Variants in PPTC7 observed in about 807,000 individuals in gnomAD.
The protein encoded by PPTC7 is protein phosphatase PTC7 homolog.
Under a neutral mutation model 30.8 loss-of-function variants are expected in PPTC7, and 6 were observed. That is an observed-to-expected ratio of 0.19 (90% CI 0.11 to 0.38). The LOEUF (loss-of-function observed/expected upper bound fraction) is 0.38. PPTC7 is among the 10% of genes least tolerant of loss of function. The probability of loss-of-function intolerance (pLI) is 1.00; values close to 1 mark genes in which losing one functional copy is unlikely to be tolerated. For synonymous variants in PPTC7, 163 were observed against 168.1 expected, an observed-to-expected ratio of 0.97 and a Z score of 0.23; for missense variants, 218 against 404.8, an observed-to-expected ratio of 0.54 and a Z score of 3.96.
At chr12:110,568,135 G>C (rs1265912681) in intron 1 of PPTC7, among the ~76,000 whole-genome samples, 1 of 152,032 alleles carries the variant, frequency 6.6e-6, no homozygotes, top group East Asian at 1.9e-4. Context: ...TAGTTTTGGG[G>C]ATCTACTTTG....
Position 110,583,010 on chromosome 12 carries a change from C to T in PPTC7, c.22G>A (p.Gly8Arg). MFSVLSY[G>R]RLVARAVLGG... is the part of the protein sequence containing the mutation. ...AGCACGGCGCGGGCCACCAGCCGCC[C>T]GTACGAGAGGACCGAGAACATCGCC... is the stretch of plus-strand genomic sequence containing the variant. Residue 8 changes from glycine (G) to arginine (R), a missense_variant, in exon 1 of 6, where the codon GGG becomes AGG. Transcript: ENST00000354300. 4 of 1,482,146 alleles carry T rather than the reference C, an allele frequency of 2.7e-6. No homozygotes were observed. The highest frequency in any genetic ancestry group is 3.6e-6 in the Non-Finnish European group (4 of 1,123,474). 91.8% of individuals were successfully genotyped at this position (1,482,146 alleles called of 1,614,324 possible).
intron 4 of PPTC7, among the ~76,000 whole-genome samples, chr12:110,539,549 G>C (rs936673966): frequency 1.3e-5 from 2 of 152,102 alleles, no homozygotes; most frequent in Non-Finnish European, 2.9e-5. Context: ...AAACAACCAG[G>C]ACCCGACACC....
intron 1 of PPTC7, among the ~76,000 whole-genome samples, chr12:110,563,122 CAAAAAAAAAA>C (rs766517371): frequency 0.013 from 575 of 43,136 alleles, 7 homozygotes; most frequent in African/African-American, 0.044. Flanking sequence ...GACTCCATCT[CAAAAAAAAAA>C]AAAAAAAAAA....
intron 1 of PPTC7, among the ~76,000 whole-genome samples, chr12:110,565,804 A>T (rs1050921258): frequency 6.6e-6 from 1 of 152,222 alleles, no homozygotes; most frequent in Non-Finnish European, 1.5e-5. Context: ...TGGGGAGGAC[A>T]GTTTAGGGAG....
chr12:110,577,593 C>G (rs2135797777), intron 1 of PPTC7, among the ~76,000 whole-genome samples: 1 of 152,204 alleles, frequency 6.6e-6, no homozygotes, highest in South Asian at 2.1e-4. Flanking sequence ...ATCTTTACAC[C>G]TCAAGACAAC....
chr12:110,563,750 TTA>T (rs1308523413), intron 1 of PPTC7, among the ~76,000 whole-genome samples: 3 of 152,210 alleles, frequency 2.0e-5, no homozygotes, highest in Admixed American at 2.0e-4. Flanking sequence ...AGCTTAGTAA[TTA>T]TGAGACAACT....
rs779216254 is a variant in PPTC7 at position 110,545,894 on chromosome 12, G to A, written c.588C>T (p.Val196=). ...LSIAPPEAEG[V]VLSDSPDAAD... is the part of the protein sequence containing the mutation. ...GGGGAGATTACCTGTCGCTCAAGAC[G>A]ACTCCCTCGGCTTCAGGGGGAGCGA... is the stretch of plus-strand genomic sequence containing the variant. The change falls in exon 3 of 6, where the codon GTC becomes GTT. Residue 196 remains valine (V), a synonymous_variant. Coordinates refer to ENST00000354300, the MANE Select transcript of PPTC7 (RefSeq NM_139283.2). 8.7e-6 allele frequency: 14 copies of A among 1,613,366 alleles called. No individual in the cohort carries two copies. The highest frequency in any genetic ancestry group is 1.8e-4 in the Middle Eastern group (1 of 5,590).
intron 1 of PPTC7, among the ~76,000 whole-genome samples, chr12:110,562,286 C>CAAAAAAAAAAAA (rs11319526): frequency 1.2e-4 from 4 of 34,726 alleles, no homozygotes; most frequent in African/African-American, 2.5e-4. Context: ...GACTCCATCT[C>CAAAAAAAAAAAA]AAAAAAAAAA....
chr12:110,562,618 CTT>C, intron 1 of PPTC7, among the ~76,000 whole-genome samples: 3 of 151,338 alleles, frequency 2.0e-5, no homozygotes, highest in African/African-American at 2.4e-5. Flanking sequence ...CATGGTGAAA[CTT>C]CATCTCTACT....
intron 1 of PPTC7, among the ~76,000 whole-genome samples, chr12:110,562,286 C>CAAAAAAA (rs11319526): frequency 4.6e-4 from 16 of 34,728 alleles, no homozygotes; most frequent in Admixed American, 1.1e-3. Context: ...GACTCCATCT[C>CAAAAAAA]AAAAAAAAAA....
intron 1 of PPTC7, among the ~76,000 whole-genome samples, chr12:110,569,698 G>A (rs901206250): frequency 6.6e-6 from 1 of 152,198 alleles, no homozygotes; most frequent in African/African-American, 2.4e-5. Context: ...GCTATACTTT[G>A]CATTTCACAT....
chr12:110,539,355 A>G (rs1034712303), intron 4 of PPTC7, among the ~76,000 whole-genome samples: 1 of 152,242 alleles, frequency 6.6e-6, no homozygotes, highest in African/African-American at 2.4e-5. Flanking sequence ...AAAGCCAGGA[A>G]AAAATTGAAA....
rs1565912276 is a variant in PPTC7 at position 110,533,415 on chromosome 12, A to G, written c.*3622T>C. 6.6e-6 allele frequency: 1 copy of G among 152,250 alleles called. No individual in the cohort carries two copies. The highest frequency in any genetic ancestry group is 2.4e-5 in the African/African-American group (1 of 41,470). 9.4% of individuals were successfully genotyped at this position (152,250 alleles called of 1,614,324 possible). ...GAAAAAAAGCAGCTCATTAGTATAC[A>G]CACAGATTCTAATTTGCTTCATTAT... On this transcript the variant is annotated 3_prime_UTR_variant, in exon 6 of 6. Coordinates refer to ENST00000354300, the MANE Select transcript of PPTC7 (RefSeq NM_139283.2).
chr12:110,555,057 T>A (rs2064375511), intron 1 of PPTC7, among the ~76,000 whole-genome samples: 1 of 152,248 alleles, frequency 6.6e-6, no homozygotes, highest in African/African-American at 2.4e-5. Flanking sequence ...ACTTTAAGAA[T>A]GTATTTGGTA....
At chr12:110,547,410 G>A (rs1173540094) in intron 2 of PPTC7, among the ~76,000 whole-genome samples, 1 of 152,102 alleles carries the variant, frequency 6.6e-6, no homozygotes, top group Non-Finnish European at 1.5e-5. Flanking sequence ...GTACCTCATA[G>A]AATTTTTCTA....
At position 110,535,739 on chromosome 12, in the gene PPTC7, C is replaced by T. The variant is rs749809120; in HGVS notation, c.*1298G>A. The T allele has an allele frequency of 6.6e-6, 1 of 152,062 alleles. No individual in the cohort carries two copies. The highest frequency in any genetic ancestry group is 1.5e-5 in the Non-Finnish European group (1 of 67,924). The allele number at this position is 152,062 out of a possible 1,614,324, so 9.4% of individuals were successfully genotyped here. On this transcript the variant is annotated 3_prime_UTR_variant, in exon 6 of 6. Coordinates refer to ENST00000354300, the MANE Select transcript of PPTC7 (RefSeq NM_139283.2). ...AAGTTAATGAAGGAAAAAAACTGAC[C>T]CAAAAATATATATCTTTACAGCAGT...
At chr12:110,547,146 T>G (rs2064313061) in intron 2 of PPTC7, among the ~76,000 whole-genome samples, 1 of 152,164 alleles carries the variant, frequency 6.6e-6, no homozygotes, top group African/African-American at 2.4e-5. Context: ...TACAAAAATA[T>G]TACTTAAGAT....
Position 110,539,958 on chromosome 12 carries a change from CA to C in PPTC7, c.603-14del. ...AGCAGCATCCGGACTGTGGCAAGGA[CA>C]GGGGAGGGACAAAGTTAAGAAGGCC... On this transcript the variant is annotated splice_polypyrimidine_tract_variant and intron_variant, in intron 3 of 5. Transcript: ENST00000354300. The C allele has an allele frequency of 1.2e-6, 2 of 1,612,174 alleles. No individual in the cohort carries two copies. The highest frequency in any genetic ancestry group is 1.7e-6 in the Non-Finnish European group (2 of 1,179,116).
At chr12:110,575,313 C>T (rs1388198910) in intron 1 of PPTC7, among the ~76,000 whole-genome samples, 1 of 151,974 alleles carries the variant, frequency 6.6e-6, no homozygotes, top group African/African-American at 2.4e-5. Context: ...CTTACTTTTG[C>T]AAAGCATTTT....
Sources: allele counts gnomAD v4.1 joint callset (sites outside exome capture counted in the v4.1 genomes callset), GRCh38; gene constraint gnomAD v4.1.1; transcripts MANE v1.5; gene names NCBI Gene and HGNC (gene_info 2026-07-23, HGNC 2026-07-21).